Variants in PPP2R1A observed in about 807,000 individuals in gnomAD.
PPP2R1A encodes the protein protein phosphatase 2 scaffold subunit Aalpha.
Under a neutral mutation model 67.1 loss-of-function variants are expected in PPP2R1A, and 15 were observed. The ratio of observed to expected loss-of-function variants is 0.22; its 90% confidence interval spans 0.15 to 0.34. The LOEUF is 0.34. Among genes scored for constraint, PPP2R1A ranks in the 10% least tolerant of loss-of-function variants. The probability of loss-of-function intolerance (pLI) is 1.00; values close to 1 mark genes in which losing one functional copy is unlikely to be tolerated. For missense variants in PPP2R1A, 369 were observed against 775.0 expected, an observed-to-expected ratio of 0.48 and a Z score of 6.22; for synonymous variants, 337 against 325.0, an observed-to-expected ratio of 1.04 and a Z score of -0.40.
In PPP2R1A at chr19:52,216,057, A is replaced by C. The variant is rs1222950210; in HGVS notation, c.976A>C (p.Ile326Leu). 1.2e-6 allele frequency: 2 copies of C among 1,613,736 alleles called. No homozygotes were observed. The highest frequency in any genetic ancestry group is 1.7e-6 in the Non-Finnish European group (2 of 1,179,756). Residue 326 changes from isoleucine to leucine, a missense_variant, in exon 8 of 15, where the codon ATC becomes CTC. Around this residue, in one of 2 missense-constraint regions of PPP2R1A, gnomAD observed 276 missense variants for 508.4 expected, o/e 0.54. Transcript: ENST00000322088. The surrounding 1 kb of genome is among the most constrained non-coding windows in gnomAD (Gnocchi z 4.3). ...DCRENVIMSQILPCIKELVSD... is the reference protein window; with the variant it reads ...DCRENVIMSQLLPCIKELVSD... Reference sequence around the variant, plus strand: ...TCGGGAGAATGTGATCATGTCCCAGATCTTGCCCTGCATCAAGGTAACAGA... The same window carrying C: ...TCGGGAGAATGTGATCATGTCCCAGCTCTTGCCCTGCATCAAGGTAACAGA...
Position 52,216,737 on chromosome 19 carries a change from C to T in PPP2R1A, c.1128+74C>T. 6 of 1,596,830 alleles carry T rather than the reference C, an allele frequency of 3.8e-6. No individual in the cohort carries two copies. The highest frequency in any genetic ancestry group is 4.3e-6 in the Non-Finnish European group (5 of 1,166,892). On this transcript the variant is annotated intron_variant, in intron 9 of 14. Coordinates refer to ENST00000322088, the MANE Select transcript of PPP2R1A (RefSeq NM_014225.6). This position sits in a 1 kb window ranked among gnomAD's most constrained non-coding sequence, Gnocchi z 4.3. ...GTCTTCCTAGATTGCTAGGGTTTAC[C>T]TAGATTGACCAGGAATCTGCTGATA...
At chr19:52,201,171 C>T (rs1324977765) in intron 1 of PPP2R1A, 4 of 151,886 alleles carry the variant, frequency 2.6e-5, no homozygotes, top group African/African-American at 9.7e-5. Flanking sequence ...ACACACTTAA[C>T]TACGCCTGCA....
intron 2 of PPP2R1A, 135 bp from the exon 3 acceptor site, chr19:52,205,828 T>G (rs1600163474): frequency 1.4e-6 from 1 of 720,368 alleles, no homozygotes; most frequent in Non-Finnish European, 2.4e-6. Flanking sequence ...AGGTGGAGAG[T>G]GGGGGAGCAA....
chr19:52,219,550 C>T lies in PPP2R1A; in HGVS notation c.1129-141C>T. 1 of 805,762 alleles carries T rather than the reference C, an allele frequency of 1.2e-6. No homozygotes were observed. 49.9% of individuals were successfully genotyped at this position (805,762 alleles called of 1,614,324 possible). A position where few individuals can be genotyped will look rare whatever the true frequency, so the allele number is the denominator to read the frequency against. On this transcript the variant is annotated intron_variant, in intron 9 of 14. Transcript: ENST00000322088. The surrounding 1 kb of genome is among the most constrained non-coding windows in gnomAD (Gnocchi z 4.0). ...GCTTTTTGTGTGCCGTTAATGTGTTCCCAGAACGGGGAGCTGGGCTTGGAC... is the reference window on the plus strand; with the variant it reads ...GCTTTTTGTGTGCCGTTAATGTGTTTCCAGAACGGGGAGCTGGGCTTGGAC...
At chr19:52,193,300 G>C (rs759257877) in intron 1 of PPP2R1A, among the ~76,000 whole-genome samples, 2 of 152,244 alleles carry the variant, frequency 1.3e-5, no homozygotes, top group Non-Finnish European at 2.9e-5. Flanking sequence ...CATTTTAATT[G>C]TGTCTGAGAC....
Position 52,211,818 on chromosome 19 carries a change from A to C in PPP2R1A, c.503+326A>C. The C allele has an allele frequency of 2.9e-6, 1 of 349,518 alleles. No homozygotes were observed. Among genetic ancestry groups the C allele is most frequent in the East Asian group, 5.2e-5 (1 of 19,152 alleles). 21.7% of individuals were successfully genotyped at this position (349,518 alleles called of 1,614,324 possible). ...ATCTGGAACATAAAAACTTTCAGCA[A>C]CTTACATCTGATGGTATCTCCAGCC... is the stretch of plus-strand genomic sequence containing the variant. On this transcript the variant is annotated intron_variant, in intron 4 of 14. Transcript: ENST00000322088. This position sits in a 1 kb window ranked among gnomAD's most constrained non-coding sequence, Gnocchi z 5.3.
At chr19:52,190,281 G>C (rs1195759676) in intron 1 of PPP2R1A, 107 bp downstream of exon 1, 16 of 1,297,388 alleles carry the variant, frequency 1.2e-5, no homozygotes, top group East Asian at 1.0e-4. Flanking sequence ...GGAAGGGGGC[G>C]ACGGCCAATC....
chr19:52,210,792 C>T (rs781436955), intron 3 of PPP2R1A, among the ~76,000 whole-genome samples: 1 of 152,074 alleles, frequency 6.6e-6, no homozygotes. Context: ...GCGCCCGGCC[C>T]GTTTTCTCTT....
chr19:52,196,972 T>G (rs1289510767), intron 1 of PPP2R1A, among the ~76,000 whole-genome samples: 1 of 152,226 alleles, frequency 6.6e-6, no homozygotes, highest in Non-Finnish European at 1.5e-5. Flanking sequence ...CACATTCAGA[T>G]GCAAAGGCAA....
chr19:52,195,272 G>T (rs563803614), intron 1 of PPP2R1A, among the ~76,000 whole-genome samples: 40 of 152,266 alleles, frequency 2.6e-4, no homozygotes, highest in African/African-American at 8.4e-4. Context: ...GAGAGTCCCA[G>T]TCTAGGGTGG....
chr19:52,213,455 G>GTTTT lies in PPP2R1A; in HGVS notation c.807+346_807+347insTTTT, dbSNP rs1428980249. Among the ~76,000 whole-genome samples, 1 of 112,930 alleles carries GTTTT rather than the reference G, an allele frequency of 8.9e-6. No individual in the cohort carries two copies. Among genetic ancestry groups the GTTTT allele is most frequent in the Non-Finnish European group, 1.8e-5 (1 of 54,268 alleles). The allele number at this position is 112,930 out of a possible 152,430, so 74.1% of individuals were successfully genotyped here. A position where few individuals can be genotyped will look rare whatever the true frequency, so the allele number is the denominator to read the frequency against. On this transcript the variant is annotated intron_variant, in intron 6 of 14. Coordinates refer to ENST00000322088, the MANE Select transcript of PPP2R1A (RefSeq NM_014225.6). This position sits in a 1 kb window ranked among gnomAD's most constrained non-coding sequence, Gnocchi z 4.2. ...CAGCCCAAAAAGGTGGGGTTTTTTG[G>GTTTT]TGTTTTTTTTTTTTTTTTTTTTTTT...
intron 13 of PPP2R1A, among the ~76,000 whole-genome samples, chr19:52,225,011 CTTT>C (rs61015844): frequency 3.0e-5 from 3 of 101,078 alleles, no homozygotes; most frequent in East Asian, 2.7e-4. Flanking sequence ...TTGAGTTTAC[CTTT>C]TTTTTTTTTT....
Position 52,216,328 on chromosome 19 carries a change from G to A in PPP2R1A, c.994-201G>A, listed in dbSNP as rs1216284370. Among the ~76,000 whole-genome samples the A allele has an allele frequency of 6.6e-6, 1 of 152,180 alleles. No homozygotes were observed. Among genetic ancestry groups the A allele is most frequent in the African/African-American group, 2.4e-5 (1 of 41,438 alleles). On this transcript the variant is annotated intron_variant, in intron 8 of 14. Coordinates refer to ENST00000322088, the MANE Select transcript of PPP2R1A (RefSeq NM_014225.6). The surrounding 1 kb of genome is among the most constrained non-coding windows in gnomAD (Gnocchi z 4.3). ...GGGTTTTGGGGTTGGAGTGGGGGCTGCTGAGAGCAGGGGTCATTGAACTCT... is the reference window on the plus strand; with the variant it reads ...GGGTTTTGGGGTTGGAGTGGGGGCTACTGAGAGCAGGGGTCATTGAACTCT...
chr19:52,219,902 CAG>C lies in PPP2R1A; in HGVS notation c.1302+39_1302+40del, dbSNP rs1434416411. On this transcript the variant is annotated intron_variant, in intron 10 of 14. Transcript: ENST00000322088. The surrounding 1 kb of genome is among the most constrained non-coding windows in gnomAD (Gnocchi z 4.0). ...GCCTGGGGGCCAGGCAGTGCTGCCT[CAG>C]GGGAGGTGCAGTATGTCCAGGGCTG... 1.9e-6 allele frequency: 3 copies of C among 1,585,460 alleles called. No homozygotes were observed. Among genetic ancestry groups the C allele is most frequent in the Non-Finnish European group, 2.6e-6 (3 of 1,167,066 alleles).
chr19:52,218,253 G>A (rs140618287), intron 9 of PPP2R1A, among the ~76,000 whole-genome samples: 2 of 152,088 alleles, frequency 1.3e-5, no homozygotes, highest in Admixed American at 6.5e-5. Flanking sequence ...ATACACAGGC[G>A]CCCACACAGT....
Position 52,211,439 on chromosome 19 carries a change from C to G in PPP2R1A, c.450C>G (p.Leu150=). 1.2e-6 allele frequency: 2 copies of G among 1,613,956 alleles called. No homozygotes were observed. The highest frequency in any genetic ancestry group is 1.7e-6 in the Non-Finnish European group (2 of 1,180,014). ...WFTSRTSACG[L]FSVCYPRVSS... ...CCTCCCGCACCTCGGCCTGCGGCCT[C>G]TTCTCCGTCTGCTACCCCCGAGTGT... The change falls in exon 4 of 15, where the codon CTC becomes CTG. Residue 150 remains leucine (L), a synonymous_variant. Transcript: ENST00000322088. This position sits in a 1 kb window ranked among gnomAD's most constrained non-coding sequence, Gnocchi z 5.3.
chr19:52,190,236 C>T (rs575654670), intron 1 of PPP2R1A, 62 bp downstream of exon 1: 1 of 1,520,816 alleles, frequency 6.6e-7, no homozygotes, highest in African/African-American at 1.4e-5. Context: ...ACGGGCGGCC[C>T]TCGCGGAGAA....
chr19:52,203,510 G>A (rs1049559426), intron 2 of PPP2R1A, among the ~76,000 whole-genome samples: 1 of 152,156 alleles, frequency 6.6e-6, no homozygotes, highest in African/African-American at 2.4e-5. Flanking sequence ...CATTTCCCTT[G>A]TCTGTAAAGG....
Position 52,213,365 on chromosome 19 carries a change from A to G in PPP2R1A, c.807+255A>G, listed in dbSNP as rs2089692307. 6.6e-6 allele frequency among the ~76,000 whole-genome samples: 1 copy of G among 151,792 alleles called. No homozygotes were observed. On this transcript the variant is annotated intron_variant, in intron 6 of 14. Transcript: ENST00000322088. The surrounding 1 kb of genome is among the most constrained non-coding windows in gnomAD (Gnocchi z 4.2). The stretch of plus-strand genomic sequence containing the variant: ...ACGTGGAGGAAAGTGCCACAGGAGC[A>G]GAGAAGGGTAGCACATGTGGGGTGT...
Sources: gnomAD v4.1 joint callset for allele counts (sites outside exome capture counted in the v4.1 genomes callset) on GRCh38, gnomAD v4.1.1 for gene constraint, gnomAD v4.1.1 regional missense constraint, Gnocchi (gnomAD v3.1) non-coding constraint, MANE v1.5 for transcripts, NCBI Gene and HGNC (gene_info 2026-07-23, HGNC 2026-07-21) for gene names.